Variants in ZMAT4 observed in about 807,000 individuals in gnomAD.
ZMAT4 encodes zinc finger matrin-type 4.
Under a neutral mutation model 28.7 loss-of-function variants are expected in ZMAT4, and 17 were observed. That is an observed-to-expected ratio of 0.59 (90% CI 0.41 to 0.89). The LOEUF is 0.89. ZMAT4 is among the 40% of genes least tolerant of loss of function. The pLI is 0.00. For synonymous variants in ZMAT4, 117 were observed against 109.2 expected (o/e 1.07, Z -0.44); for missense variants, 240 against 283.8 (o/e 0.85, Z 1.11).
chr8:40,589,761 T>TTTCTTTCTTTCTTTCTTTCTTTCC (rs1563353958), intron 5 of ZMAT4, among the ~76,000 whole-genome samples: 11 of 52,934 alleles, frequency 2.1e-4, no homozygotes, highest in Non-Finnish European at 3.5e-4. Flanking sequence ...TCTTTCTTTC[T>TTTCTTTCTTTCTTTCTTTCTTTCC]TTTTCTTTCT....
intron 6 of ZMAT4, among the ~76,000 whole-genome samples, chr8:40,547,016 A>T (rs1803224158): frequency 6.6e-6 from 1 of 152,208 alleles, no homozygotes; most frequent in Admixed American, 6.6e-5. Flanking sequence ...ATCATGATAA[A>T]GAGTGACATT....
rs1178739860 is a variant in ZMAT4, at chr8:40,808,981, C to T, written c.102+16594G>A. Among the ~76,000 whole-genome samples, 3 of 152,008 alleles carry T rather than the reference C, an allele frequency of 2.0e-5. No individual in the cohort carries two copies. In the East Asian group the frequency reaches 5.8e-4, roughly 29 times the overall value. Reference sequence around the variant, plus strand: ...ATACCCAGTACTAGGACTGCTGGGTCGATTATTCTGTCAAAAAGACACATA... The same window carrying T: ...ATACCCAGTACTAGGACTGCTGGGTTGATTATTCTGTCAAAAAGACACATA... On this transcript the variant is annotated intron_variant, in intron 2 of 6. Coordinates refer to ENST00000297737, the MANE Select transcript of ZMAT4 (RefSeq NM_024645.3).
intron 2 of ZMAT4, among the ~76,000 whole-genome samples, chr8:40,824,155 C>A (rs1211923095): frequency 1.3e-5 from 2 of 152,170 alleles, no homozygotes; most frequent in Non-Finnish European, 2.9e-5. Flanking sequence ...ATGATAGTGA[C>A]AACTGGCATT....
intron 1 of ZMAT4, among the ~76,000 whole-genome samples, chr8:40,826,366 A>G (rs1234229619): frequency 6.6e-6 from 1 of 152,228 alleles, no homozygotes; most frequent in Admixed American, 6.5e-5. Flanking sequence ...GTTTTAAAAT[A>G]TGTATAGATG....
intron 2 of ZMAT4, among the ~76,000 whole-genome samples, chr8:40,823,150 C>A (rs888186454): frequency 2.0e-5 from 3 of 152,050 alleles, no homozygotes; most frequent in Non-Finnish European, 4.4e-5. Flanking sequence ...CTCCACGAAC[C>A]CTCACTGAAC....
At chr8:40,655,159 A>G (rs1807859757) in intron 5 of ZMAT4, among the ~76,000 whole-genome samples, 1 of 152,036 alleles carries the variant, frequency 6.6e-6, no homozygotes, top group South Asian at 2.1e-4. Flanking sequence ...AAATACAATT[A>G]TATTTCTACA....
At chr8:40,760,173 T>C (rs1812866179) in intron 3 of ZMAT4, among the ~76,000 whole-genome samples, 1 of 152,218 alleles carries the variant, frequency 6.6e-6, no homozygotes, top group South Asian at 2.1e-4. Flanking sequence ...CGTTCCTGTT[T>C]AGTTGCTCAC....
intron 3 of ZMAT4, among the ~76,000 whole-genome samples, chr8:40,729,123 G>A (rs750609471): frequency 4.6e-5 from 7 of 152,138 alleles, no homozygotes; most frequent in East Asian, 1.9e-4. Flanking sequence ...ACCTAAAAGC[G>A]ATGCATTTCA....
At chr8:40,874,255 C>A (rs904475274) in intron 1 of ZMAT4, among the ~76,000 whole-genome samples, 25 of 152,194 alleles carry the variant, frequency 1.6e-4, no homozygotes, top group African/African-American at 5.6e-4. Flanking sequence ...CAGTATTGCA[C>A]CCACACTGGC....
chr8:40,881,480 A>AGG, intron 1 of ZMAT4, among the ~76,000 whole-genome samples: 1 of 147,996 alleles, frequency 6.8e-6, no homozygotes, highest in African/African-American at 2.5e-5. Flanking sequence ...AGAAAGAAAG[A>AGG]AAGAAAGAAA....
intron 5 of ZMAT4, among the ~76,000 whole-genome samples, chr8:40,609,159 A>G (rs1370542087): frequency 6.6e-6 from 1 of 152,234 alleles, no homozygotes; most frequent in Non-Finnish European, 1.5e-5. Flanking sequence ...AAAATTCTAT[A>G]AAAAGTAAAT....
At chr8:40,732,289 AAGAGT>A (rs1268036048) in intron 3 of ZMAT4, among the ~76,000 whole-genome samples, 1 of 57,712 alleles carries the variant, frequency 1.7e-5, no homozygotes, top group Non-Finnish European at 4.9e-5. Flanking sequence ...GGGACCTTAG[AAGAGT>A]GCCTACAACG....
intron 6 of ZMAT4, among the ~76,000 whole-genome samples, chr8:40,580,844 C>T (rs939264779): frequency 2.6e-5 from 4 of 152,098 alleles, no homozygotes; most frequent in Non-Finnish European, 5.9e-5. Flanking sequence ...TAGAATTTGT[C>T]ATCAAAGTTT....
intron 1 of ZMAT4, among the ~76,000 whole-genome samples, chr8:40,849,914 C>T (rs1220903590): frequency 6.6e-6 from 1 of 152,140 alleles, no homozygotes; most frequent in Non-Finnish European, 1.5e-5. Flanking sequence ...GGAGGCTTCC[C>T]CACCTAGTAC....
intron 3 of ZMAT4, among the ~76,000 whole-genome samples, chr8:40,704,993 T>C (rs189783951): frequency 1.3e-5 from 2 of 152,314 alleles, no homozygotes; most frequent in East Asian, 3.9e-4. Flanking sequence ...TGGCATGAAC[T>C]AGACAGATAT....
At chr8:40,577,906 A>G (rs1394966063) in intron 6 of ZMAT4, among the ~76,000 whole-genome samples, 1 of 152,028 alleles carries the variant, frequency 6.6e-6, no homozygotes, top group Non-Finnish European at 1.5e-5. Context: ...AGACCTCTAC[A>G]AAGAACTCTA....
chr8:40,804,852 A>G (rs1206815476), intron 2 of ZMAT4, among the ~76,000 whole-genome samples: 2 of 151,984 alleles, frequency 1.3e-5, no homozygotes, highest in Non-Finnish European at 2.9e-5. Flanking sequence ...AAAAAATAAT[A>G]ATAATAAAAT....
chr8:40,892,662 C>T (rs906718963), intron 1 of ZMAT4, among the ~76,000 whole-genome samples: 1 of 152,222 alleles, frequency 6.6e-6, no homozygotes, highest in South Asian at 2.1e-4. Context: ...CTGGTCCTCC[C>T]TCTGCTATCA....
intron 3 of ZMAT4, among the ~76,000 whole-genome samples, chr8:40,732,817 G>C (rs1331715356): frequency 1.3e-5 from 2 of 150,772 alleles, no homozygotes; most frequent in Non-Finnish European, 2.9e-5. Flanking sequence ...TGGCAGACCT[G>C]GGCTGAGCAA....
Sources: gnomAD v4.1 joint callset for allele counts (sites outside exome capture counted in the v4.1 genomes callset) on GRCh38, gnomAD v4.1.1 for gene constraint, MANE v1.5 for transcripts, NCBI Gene and HGNC (gene_info 2026-07-23, HGNC 2026-07-21) for gene names.